Variants in NEGR1 observed in about 807,000 individuals in gnomAD.
NEGR1 encodes IgLON family member 4.
A neutral mutation model predicts 40.9 loss-of-function variants in NEGR1; 10 were observed. The ratio of observed to expected loss-of-function variants is 0.24; its 90% CI spans 0.15 to 0.42. NEGR1 has a LOEUF of 0.42. NEGR1 is among the 10% of genes least tolerant of loss of function. The probability of loss-of-function intolerance (pLI) is 1.00; values close to 1 mark genes in which losing one functional copy is unlikely to be tolerated. For synonymous variants in NEGR1, 185 were observed against 166.8 expected, an observed-to-expected ratio of 1.11 and a Z score of -0.84; for missense variants, 352 against 438.9, an observed-to-expected ratio of 0.80 and a Z score of 1.77.
intron 3 of NEGR1, among the ~76,000 whole-genome samples, chr1:71,718,403 C>T (rs567290614): frequency 1.3e-5 from 2 of 152,174 alleles, no homozygotes; most frequent in Non-Finnish European, 2.9e-5. Flanking sequence ...GTTCCTTGAG[C>T]CTTCACCAGA....
chr1:72,208,493 A>T (rs1570123241), intron 1 of NEGR1, among the ~76,000 whole-genome samples: 1 of 149,240 alleles, frequency 6.7e-6, no homozygotes. Flanking sequence ...TTCCCGTATA[A>T]TTTTTTTTTT....
At chr1:71,713,580 C>T (rs994363449) in intron 3 of NEGR1, among the ~76,000 whole-genome samples, 8 of 152,102 alleles carry the variant, frequency 5.3e-5, no homozygotes, top group African/African-American at 1.9e-4. Flanking sequence ...CAGAACTGTG[C>T]TAAAATTAAA....
chr1:71,918,254 AAAGAAG>A (rs754824242), intron 2 of NEGR1, among the ~76,000 whole-genome samples: 2 of 132,454 alleles, frequency 1.5e-5, no homozygotes, highest in Non-Finnish European at 3.2e-5. Flanking sequence ...AAAAAAAAAA[AAAGAAG>A]AAGAAGAACA....
intron 1 of NEGR1, among the ~76,000 whole-genome samples, chr1:72,118,920 T>C (rs976494103): frequency 1.3e-5 from 2 of 151,818 alleles, no homozygotes; most frequent in African/African-American, 4.8e-5. Flanking sequence ...GCAATTATCT[T>C]AAATTTCCAT....
chr1:71,578,655 TC>T (rs1234385305), intron 6 of NEGR1, among the ~76,000 whole-genome samples: 2 of 152,080 alleles, frequency 1.3e-5, no homozygotes, highest in African/African-American at 4.8e-5. Flanking sequence ...TCTTGAAACA[TC>T]CTGTATAATT....
chr1:71,932,477 TC>T, intron 2 of NEGR1, among the ~76,000 whole-genome samples: 1 of 152,148 alleles, frequency 6.6e-6, no homozygotes, highest in Admixed American at 6.6e-5. Flanking sequence ...TTTAGTGTTT[TC>T]CCTCCTCCAC....
At chr1:71,941,229 C>A (rs1209442783) in intron 1 of NEGR1, among the ~76,000 whole-genome samples, 12 of 151,998 alleles carry the variant, frequency 7.9e-5, no homozygotes, top group African/African-American at 2.9e-4. Context: ...TGATTTTGCA[C>A]ACAAAGAGAG....
rs1013754864 is a variant in NEGR1 at position 71,809,115 on chromosome 1, A to G, written c.410-32818T>C. Among the ~76,000 whole-genome samples, 5 of 152,274 alleles carry G rather than the reference A, an allele frequency of 3.3e-5. No individual in the cohort carries two copies. In the East Asian group the frequency reaches 9.7e-4, roughly 29 times the overall value. ...CAGCACGGGGGGGCACTGATAAGTG[A>G]TGGATACACAGGAAAGAAAAATGGC... On this transcript the variant is annotated intron_variant, in intron 2 of 6. Transcript: ENST00000357731.
chr1:72,255,547 C>CTTT (rs35452808), intron 1 of NEGR1, among the ~76,000 whole-genome samples: 1,630 of 125,278 alleles, frequency 0.013, 40 homozygotes, highest in Non-Finnish European at 0.019. Flanking sequence ...AAAAATACTT[C>CTTT]TTTTTTTTTT....
chr1:71,672,738 A>T (rs1175964430), intron 4 of NEGR1, among the ~76,000 whole-genome samples: 2 of 152,212 alleles, frequency 1.3e-5, no homozygotes, highest in African/African-American at 4.8e-5. Context: ...ACCCAGGGCT[A>T]TTCCTTGAGA....
chr1:71,571,656 G>A (rs539536855), intron 6 of NEGR1, among the ~76,000 whole-genome samples: 1 of 151,934 alleles, frequency 6.6e-6, no homozygotes, highest in Non-Finnish European at 1.5e-5. Flanking sequence ...AGCCAGACAG[G>A]GTGGCATGCG....
At chr1:72,070,461 T>C (rs776775601) in intron 1 of NEGR1, among the ~76,000 whole-genome samples, 14 of 152,026 alleles carry the variant, frequency 9.2e-5, no homozygotes, top group East Asian at 1.9e-4. Context: ...TGTTTAATAC[T>C]ATAATTTCCC....
intron 4 of NEGR1, among the ~76,000 whole-genome samples, chr1:71,616,185 C>G (rs1570110046): frequency 6.6e-6 from 1 of 152,102 alleles, no homozygotes; most frequent in African/African-American, 2.4e-5. Flanking sequence ...AGGAACCGGG[C>G]CTGTTAGGAA....
At chr1:72,143,914 A>AATATATATATATATATATATATATATAT (rs61582804) in intron 1 of NEGR1, among the ~76,000 whole-genome samples, 13 of 130,592 alleles carry the variant, frequency 1.0e-4, no homozygotes, top group African/African-American at 3.9e-4. Context: ...TGATATATAT[A>AATATATATATATATATATATATATATAT]ATATATATAT....
intron 1 of NEGR1, among the ~76,000 whole-genome samples, chr1:72,253,300 CT>C (rs1314516299): frequency 6.6e-6 from 1 of 152,040 alleles, no homozygotes; most frequent in Non-Finnish European, 1.5e-5. Flanking sequence ...CATTAAGATG[CT>C]TTTGGGACTC....
At chr1:72,099,805 G>T (rs1434410008) in intron 1 of NEGR1, among the ~76,000 whole-genome samples, 1 of 150,940 alleles carries the variant, frequency 6.6e-6, no homozygotes, top group Non-Finnish European at 1.5e-5. Context: ...ATCTGCAAAT[G>T]GTACATAAAG....
rs1177546027 is a variant in NEGR1, at chr1:71,853,199, T to C, written c.410-76902A>G. On this transcript the variant is annotated intron_variant, in intron 2 of 6. Transcript: ENST00000357731. ...GCCCTCAGTGTTTATTGAATTAAAT[T>C]ACACGGAATATGCATAATTTTTATC... Among the ~76,000 whole-genome samples, 3 of 152,264 alleles carry C rather than the reference T, an allele frequency of 2.0e-5. No homozygotes were observed. The East Asian group carries it at 5.8e-4, about 29-fold the overall frequency.
chr1:71,808,078 G>A (rs1657844984), intron 2 of NEGR1, among the ~76,000 whole-genome samples: 1 of 152,058 alleles, frequency 6.6e-6, no homozygotes, highest in African/African-American at 2.4e-5. Flanking sequence ...GTTCCATAAT[G>A]TATAAAATGG....
chr1:71,906,437 T>A (rs577347047), intron 2 of NEGR1, among the ~76,000 whole-genome samples: 1 of 149,170 alleles, frequency 6.7e-6, no homozygotes, highest in South Asian at 2.1e-4. Flanking sequence ...AATAAAAATA[T>A]ATAAAGATGA....
Sources: gnomAD v4.1 joint callset for allele counts (sites outside exome capture counted in the v4.1 genomes callset) on GRCh38, gnomAD v4.1.1 for gene constraint, MANE v1.5 for transcripts, NCBI Gene and HGNC (gene_info 2026-07-23, HGNC 2026-07-21) for gene names.